The following SCRN1 variants were observed in gnomAD, a reference collection of about 807,000 sequenced individuals.
SCRN1 encodes secernin 1.
Under a neutral mutation model 43.3 loss-of-function variants are expected in SCRN1, and 19 were observed. The observed-to-expected ratio is 0.44, with a 90% CI of 0.31 to 0.64. SCRN1 has a LOEUF of 0.64. SCRN1 is among the 30% of genes least tolerant of loss of function. The pLI is 0.09. For synonymous variants in SCRN1, 183 were observed against 188.9 expected (o/e 0.97, Z 0.26); for missense variants, 447 against 524.1 (o/e 0.85, Z 1.44).
chr7:29,941,152 G>A (rs1180188990), intron 4 of SCRN1, among the ~76,000 whole-genome samples: 1 of 152,136 alleles, frequency 6.6e-6, no homozygotes, highest in African/African-American at 2.4e-5. Context: ...AATATGTAAG[G>A]CTCTTCATTT....
chr7:29,986,717 ATTTT>A (rs553845779), intron 1 of SCRN1, among the ~76,000 whole-genome samples: 2 of 99,852 alleles, frequency 2.0e-5, no homozygotes, highest in African/African-American at 8.1e-5. Context: ...AATTTTTTTA[ATTTT>A]TTTTTTTTTT....
Position 29,926,437 on chromosome 7 carries a change from C to T in SCRN1, c.1086+15G>A, listed in dbSNP as rs1023412909. ...CGCCTCCGCCTCCGCCTCTGTGGCCCTCATGCAAGCTCACCTGGTCACTTT... is the reference window on the plus strand; with the variant it reads ...CGCCTCCGCCTCCGCCTCTGTGGCCTTCATGCAAGCTCACCTGGTCACTTT... On this transcript the variant is annotated intron_variant, in intron 7 of 7. Transcript: ENST00000242059. 1.2e-6 allele frequency: 2 copies of T among 1,607,898 alleles called. No homozygotes were observed. The highest frequency in any genetic ancestry group is 2.7e-5 in the African/African-American group (2 of 74,640).
chr7:29,945,062 G>A (rs1787690545), intron 3 of SCRN1, among the ~76,000 whole-genome samples: 2 of 152,202 alleles, frequency 1.3e-5, no homozygotes, highest in Admixed American at 1.3e-4. Context: ...TGGGCAGCTG[G>A]TTGGGACATA....
chr7:29,935,287 G>T (rs1409145068), intron 6 of SCRN1, among the ~76,000 whole-genome samples: 6 of 152,204 alleles, frequency 3.9e-5, no homozygotes. Flanking sequence ...CACAAGAGGT[G>T]CTTCACTTTT....
chr7:29,968,887 G>A (rs1440702803), intron 2 of SCRN1, 22 bp downstream of exon 2: 19 of 1,613,288 alleles, frequency 1.2e-5, no homozygotes, highest in Admixed American at 5.0e-5. Context: ...TGTGACTCGC[G>A]AGACTGCAAT....
rs1786848024 is a variant in SCRN1 at position 29,923,774 on chromosome 7, A to G, written c.*183T>C. On this transcript the variant is annotated 3_prime_UTR_variant, in exon 8 of 8. Coordinates refer to ENST00000242059, the MANE Select transcript of SCRN1 (RefSeq NM_014766.5). ...GTTACACTGCACAGGAAGGAGACCT[A>G]CATTGCAGAAGGGGACGCTGTGAGA... 3.0e-6 allele frequency: 2 copies of G among 662,322 alleles called. No homozygotes were observed. Among genetic ancestry groups the G allele is most frequent in the Admixed American group, 2.6e-5 (1 of 38,230 alleles). 41.0% of individuals were successfully genotyped at this position (662,322 alleles called of 1,614,324 possible).
At chr7:29,959,814 G>A (rs1349825919) in intron 2 of SCRN1, among the ~76,000 whole-genome samples, 1 of 152,060 alleles carries the variant, frequency 6.6e-6, no homozygotes, top group Non-Finnish European at 1.5e-5. Flanking sequence ...GGGACATTAT[G>A]GAAGGAAGCC....
At chr7:29,951,194 A>C (rs1388317542) in intron 3 of SCRN1, among the ~76,000 whole-genome samples, 1 of 152,232 alleles carries the variant, frequency 6.6e-6, no homozygotes. Context: ...AGCCATTTGC[A>C]GTACGCCTGG....
intron 2 of SCRN1, among the ~76,000 whole-genome samples, chr7:29,956,657 C>G (rs931408767): frequency 1.3e-5 from 2 of 152,180 alleles, no homozygotes; most frequent in African/African-American, 2.4e-5. Flanking sequence ...GACTTTGGGT[C>G]TGCACAATTC....
At chr7:29,972,526 G>T (rs1265390468) in intron 1 of SCRN1, among the ~76,000 whole-genome samples, 1 of 152,222 alleles carries the variant, frequency 6.6e-6, no homozygotes, top group East Asian at 1.9e-4. Flanking sequence ...AGAAGCCCAG[G>T]GGTATGTGGG....
At chr7:29,967,760 CT>C (rs1227304853) in intron 2 of SCRN1, among the ~76,000 whole-genome samples, 1 of 152,156 alleles carries the variant, frequency 6.6e-6, no homozygotes, top group Non-Finnish European at 1.5e-5. Context: ...ACTAAACAAT[CT>C]CTATGTGCAA....
chr7:29,938,258 TGG>T (rs1355812753), intron 5 of SCRN1, among the ~76,000 whole-genome samples: 1 of 152,244 alleles, frequency 6.6e-6, no homozygotes, highest in Non-Finnish European at 1.5e-5. Flanking sequence ...CTTGAACTCC[TGG>T]CCTCAAGTGA....
At chr7:29,937,652 A>G (rs957877718) in intron 5 of SCRN1, among the ~76,000 whole-genome samples, 12 of 152,198 alleles carry the variant, frequency 7.9e-5, no homozygotes, top group African/African-American at 2.9e-4. Context: ...GGTGGGAAAT[A>G]TATGCACAGA....
intron 6 of SCRN1, 99 bp downstream of exon 6, chr7:29,936,457 C>T: frequency 8.9e-7 from 1 of 1,119,054 alleles, no homozygotes; most frequent in Non-Finnish European, 1.2e-6. Flanking sequence ...CTTTGCTATC[C>T]AAGGGGAGGA....
In SCRN1 at chr7:29,950,132, G is replaced by A. The variant is rs780330216; in HGVS notation, c.341+5047C>T. Among the ~76,000 whole-genome samples the A allele has an allele frequency of 3.5e-4, 54 of 152,196 alleles. No individual in the cohort carries two copies. The highest frequency in any genetic ancestry group is 6.8e-4 in the Non-Finnish European group (46 of 68,020). On this transcript the variant is annotated intron_variant, in intron 3 of 7. Transcript: ENST00000242059. This position sits in a 1 kb window ranked among gnomAD's most constrained non-coding sequence, Gnocchi z 4.5. ...GACCTGGGCATCCCTGCACTCTCAG[G>A]AGCCCAGGAAGCCCTTGCCCCTACA...
intron 1 of SCRN1, among the ~76,000 whole-genome samples, chr7:29,973,634 C>T (rs1788727859): frequency 1.3e-5 from 2 of 152,188 alleles, no homozygotes; most frequent in African/African-American, 4.8e-5. Flanking sequence ...TTTCACAACA[C>T]ACAGTAAAGC....
In SCRN1 at chr7:29,922,548, C is replaced by T. The variant is rs1562797657; in HGVS notation, c.*1409G>A. ...CCACTAGCTGCTGTATTTACATACA[C>T]TTCTGTTCATCATCTCTGCCCGTTT... On this transcript the variant is annotated 3_prime_UTR_variant, in exon 8 of 8. Coordinates refer to ENST00000242059, the MANE Select transcript of SCRN1 (RefSeq NM_014766.5). 1 of 152,260 alleles carries T rather than the reference C, an allele frequency of 6.6e-6. No individual in the cohort carries two copies. The highest frequency in any genetic ancestry group is 1.5e-5 in the Non-Finnish European group (1 of 68,068). The allele number at this position is 152,260 out of a possible 1,614,324, so 9.4% of individuals were successfully genotyped here.
chr7:29,948,155 G>A lies in SCRN1; in HGVS notation c.342-3976C>T, dbSNP rs182431415. Among the ~76,000 whole-genome samples the A allele has an allele frequency of 2.8e-4, 43 of 152,250 alleles. No homozygotes were observed. In the East Asian group the frequency reaches 5.8e-3, roughly 21 times the overall value. Reference sequence around the variant, plus strand: ...TCTCTCAGTGTCCCGAAATTCCTGCGTCATTGACAGGTGAAGTAAAATGTG... The same window carrying A: ...TCTCTCAGTGTCCCGAAATTCCTGCATCATTGACAGGTGAAGTAAAATGTG... On this transcript the variant is annotated intron_variant, in intron 3 of 7. Coordinates refer to ENST00000242059, the MANE Select transcript of SCRN1 (RefSeq NM_014766.5).
intron 1 of SCRN1, among the ~76,000 whole-genome samples, chr7:29,974,793 C>T (rs953349264): frequency 2.7e-5 from 4 of 150,902 alleles, no homozygotes; most frequent in Non-Finnish European, 4.4e-5. Context: ...AAGCAATTCT[C>T]CTACCTCAGC....
Sources: allele counts gnomAD v4.1 joint callset (sites outside exome capture counted in the v4.1 genomes callset), GRCh38; gene constraint gnomAD v4.1.1; non-coding constraint Gnocchi (gnomAD v3.1); transcripts MANE v1.5; gene names NCBI Gene and HGNC (gene_info 2026-07-23, HGNC 2026-07-21).